Variants in TMEM181 observed in about 807,000 individuals in gnomAD.
TMEM181 encodes the protein G protein-coupled receptor 178.
A neutral mutation model predicts 71.9 loss-of-function variants in TMEM181; 39 were observed. The observed-to-expected ratio is 0.54, with a 90% CI of 0.42 to 0.71. TMEM181 has a LOEUF of 0.71. Ranked by LOEUF, TMEM181 falls within the 30% of genes least tolerant of loss-of-function variation. The pLI, the probability that TMEM181 is intolerant of heterozygous loss-of-function variation, is 0.00. For synonymous variants in TMEM181, 245 were observed against 228.8 expected (o/e 1.07, Z -0.64); for missense variants, 595 against 583.0 (o/e 1.02, Z -0.21).
intron 1 of TMEM181, among the ~76,000 whole-genome samples, chr6:158,548,279 C>T (rs60365057): frequency 0.28 from 42,653 of 152,074 alleles, 6,122 homozygotes; most frequent in Non-Finnish European, 0.3. Context: ...TCTCTCCTTC[C>T]TTCCCTGGGA....
intron 6 of TMEM181, among the ~76,000 whole-genome samples, chr6:158,591,486 G>A (rs1784106686): frequency 6.6e-6 from 1 of 152,016 alleles, no homozygotes. Flanking sequence ...GGTCTTTGCT[G>A]TCTGAATGAT....
rs368958519 is a variant in TMEM181, at chr6:158,629,704, C to T, written c.1193-26C>T. ...GCCTCTGACTGATGTGTCCAGATGC[C>T]GCGTTCCTTCCCTTGACAGCACCAC... On this transcript the variant is annotated intron_variant, in intron 14 of 16. Transcript: ENST00000684151. 518 of 1,572,540 alleles carry T rather than the reference C, an allele frequency of 3.3e-4. 4 individuals are homozygous for T. The highest frequency in any genetic ancestry group is 3.1e-3 in the Middle Eastern group (18 of 5,896).
intron 1 of TMEM181, among the ~76,000 whole-genome samples, chr6:158,552,766 A>G (rs1010608787): frequency 6.6e-6 from 1 of 152,242 alleles, no homozygotes; most frequent in African/African-American, 2.4e-5. Flanking sequence ...TGAGCTTCTG[A>G]GAGATGAACC....
chr6:158,629,945 AG>A, intron 15 of TMEM181, 126 bp downstream of exon 15: 2 of 788,746 alleles, frequency 2.5e-6, no homozygotes, highest in Non-Finnish European at 4.3e-6. Context: ...TTCTCTTGGC[AG>A]AGAGAGAGTG....
rs1785897624 is a variant in TMEM181, at chr6:158,620,559, C to G, written c.897-2991C>G. ...GGAGCAAGGGTTAGGGAGCGAAATACCCATCGCTGGTGGTTGGAGGTGGAT... is the reference window on the plus strand; with the variant it reads ...GGAGCAAGGGTTAGGGAGCGAAATAGCCATCGCTGGTGGTTGGAGGTGGAT... On this transcript the variant is annotated intron_variant, in intron 10 of 16. Coordinates refer to ENST00000684151, the MANE Select transcript of TMEM181 (RefSeq NM_001376852.1). This position sits in a 1 kb window ranked among gnomAD's most constrained non-coding sequence, Gnocchi z 4.5. Among the ~76,000 whole-genome samples, 1 of 152,158 alleles carries G rather than the reference C, an allele frequency of 6.6e-6. No homozygotes were observed. The highest frequency in any genetic ancestry group is 6.5e-5 in the Admixed American group (1 of 15,280).
At chr6:158,541,494 T>TCTC (rs1246545172) in intron 1 of TMEM181, among the ~76,000 whole-genome samples, 2 of 152,234 alleles carry the variant, frequency 1.3e-5, no homozygotes, top group African/African-American at 4.8e-5. Context: ...GGGGCACCCA[T>TCTC]CTCCTCCTCT....
At chr6:158,579,265 TAAAAA>T (rs34507190) in intron 2 of TMEM181, among the ~76,000 whole-genome samples, 2 of 138,404 alleles carry the variant, frequency 1.4e-5, no homozygotes, top group East Asian at 2.3e-4. Context: ...GTCTCAAAAT[TAAAAA>T]AAAAAAAAGC....
At chr6:158,543,611 T>C (rs1781428178) in intron 1 of TMEM181, among the ~76,000 whole-genome samples, 1 of 152,250 alleles carries the variant, frequency 6.6e-6, no homozygotes, top group Admixed American at 6.5e-5. Context: ...GCTTGGCTTG[T>C]AGATGTCTAT....
At position 158,584,063 on chromosome 6, in the gene TMEM181, T is replaced by C. The variant is rs751768042; in HGVS notation, c.259+19T>C. 1.1e-5 allele frequency: 18 copies of C among 1,576,090 alleles called. No homozygotes were observed. Among genetic ancestry groups the C allele is most frequent in the Admixed American group, 1.9e-5 (1 of 53,006 alleles). ...TCAAAAGGTATGGAGCTTGACATTT[T>C]GGAATGATTTTTCATTATACGAAGA... On this transcript the variant is annotated intron_variant, in intron 4 of 16. Coordinates refer to ENST00000684151, the MANE Select transcript of TMEM181 (RefSeq NM_001376852.1).
chr6:158,587,114 G>C (rs1201001956), intron 5 of TMEM181, among the ~76,000 whole-genome samples: 2 of 152,202 alleles, frequency 1.3e-5, no homozygotes, highest in Non-Finnish European at 2.9e-5. Context: ...TGGAGCTGTT[G>C]AGACCCATCG....
chr6:158,571,128 G>A (rs916294272), intron 1 of TMEM181, among the ~76,000 whole-genome samples: 2 of 150,854 alleles, frequency 1.3e-5, no homozygotes, highest in Non-Finnish European at 3.0e-5. Context: ...ATGGAGTCTC[G>A]TTCTGTTGCC....
upstream of TMEM181, among the ~76,000 whole-genome samples, chr6:158,558,733 C>T (rs1396696569): frequency 3.9e-5 from 6 of 152,172 alleles, no homozygotes; most frequent in Admixed American, 2.0e-4. Context: ...GGGAGGCATC[C>T]TCAGGCCTAA....
Position 158,632,973 on chromosome 6 carries a change from G to A in TMEM181, c.*1085G>A, listed in dbSNP as rs536701316. The A allele has an allele frequency of 2.6e-5, 4 of 152,462 alleles. No homozygotes were observed. Among genetic ancestry groups the A allele is most frequent in the Non-Finnish European group, 5.9e-5 (4 of 68,144 alleles). The allele number at this position is 152,462 out of a possible 1,614,324, so 9.4% of individuals were successfully genotyped here. On this transcript the variant is annotated 3_prime_UTR_variant, in exon 17 of 17. Coordinates refer to ENST00000684151, the MANE Select transcript of TMEM181 (RefSeq NM_001376852.1). ...AGTCCCAGCTACTCAGGAGGCTGAG[G>A]TGGGAGGATTGCTTGAGCCCTGGAG...
intron 6 of TMEM181, among the ~76,000 whole-genome samples, chr6:158,591,197 C>T (rs915810070): frequency 4.6e-5 from 7 of 152,124 alleles, no homozygotes; most frequent in Admixed American, 3.9e-4. Flanking sequence ...CCTTTGCAGG[C>T]GGCCGTCTCC....
intron 10 of TMEM181, among the ~76,000 whole-genome samples, chr6:158,619,821 A>G (rs2128325399): frequency 7.0e-6 from 1 of 143,772 alleles, no homozygotes; most frequent in East Asian, 2.2e-4. Context: ...GTGAGCTGAG[A>G]TTGCGCCACT....
intron 10 of TMEM181, among the ~76,000 whole-genome samples, chr6:158,615,141 C>T (rs370060922): frequency 1.8e-4 from 28 of 152,352 alleles, no homozygotes; most frequent in East Asian, 1.3e-3. Context: ...ACATCCTCTC[C>T]AGGACCTGTT....
rs531103555 is a variant in TMEM181 at position 158,632,371 on chromosome 6, G to A, written c.*483G>A. The A allele has an allele frequency of 6.0e-5, 10 of 167,540 alleles. No individual in the cohort carries two copies. The highest frequency in any genetic ancestry group is 1.7e-4 in the East Asian group (1 of 5,948). The allele number at this position is 167,540 out of a possible 1,614,324, so 10.4% of individuals were successfully genotyped here. A position where few individuals can be genotyped will look rare whatever the true frequency, so the allele number is the denominator to read the frequency against. On this transcript the variant is annotated 3_prime_UTR_variant, in exon 17 of 17. Transcript: ENST00000684151. ...GGCTGCTTCAGGGCAGTCCTTCCTC[G>A]TTGAGTGGCCAGTGCCCTGGGTAAC...
intron 10 of TMEM181, among the ~76,000 whole-genome samples, chr6:158,616,140 T>G (rs1322605152): frequency 6.6e-6 from 1 of 152,228 alleles, no homozygotes; most frequent in Non-Finnish European, 1.5e-5. Flanking sequence ...TCCATTTGTT[T>G]GTGTCCTCTT....
intron 10 of TMEM181, chr6:158,611,315 A>G: frequency 2.0e-6 from 1 of 505,218 alleles, no homozygotes; most frequent in Non-Finnish European, 4.0e-6. Flanking sequence ...CAACTGGGAC[A>G]CTCTGCTATG....
Sources: allele counts gnomAD v4.1 joint callset (sites outside exome capture counted in the v4.1 genomes callset), GRCh38; gene constraint gnomAD v4.1.1; non-coding constraint Gnocchi (gnomAD v3.1); transcripts MANE v1.5; gene names NCBI Gene and HGNC (gene_info 2026-07-23, HGNC 2026-07-21).